Variants in TG observed in about 807,000 individuals in gnomAD.
TG encodes the protein thyroid hormones.
Under a neutral mutation model 324.7 loss-of-function variants are expected in TG, and 270 were observed. The ratio of observed to expected loss-of-function variants is 0.83; its 90% CI spans 0.75 to 0.92. TG has a LOEUF of 0.92. TG is among the 40% of genes least tolerant of loss of function. The probability of loss-of-function intolerance (pLI) is 0.00; values close to 1 mark genes in which losing one functional copy is unlikely to be tolerated. For synonymous variants in TG, 1,401 were observed against 1,327.0 expected (o/e 1.06, Z -1.21); for missense variants, 3,591 against 3,456.4 (o/e 1.04, Z -0.98).
chr8:132,948,888 T>C lies in TG; in HGVS notation c.5346T>C (p.Tyr1782=), dbSNP rs759688629. Residue 1782 remains tyrosine (Y), a synonymous_variant, in exon 27 of 48, where the codon TAT becomes TAC. Transcript: ENST00000220616. ...ATGCTACATGTCCTGGTGTGACATATGACCAGGAGAGCCACCAGGTGATAT... is the reference window on the plus strand; with the variant it reads ...ATGCTACATGTCCTGGTGTGACATACGACCAGGAGAGCCACCAGGTGATAT... ...WANATCPGVT[Y]DQESHQVILR... The C allele has an allele frequency of 1.2e-6, 2 of 1,614,012 alleles. No individual in the cohort carries two copies. The highest frequency in any genetic ancestry group is 1.6e-4 in the Middle Eastern group (1 of 6,062).
intron 22 of TG, among the ~76,000 whole-genome samples, chr8:132,927,246 C>G (rs1822004981): frequency 6.6e-6 from 1 of 152,044 alleles, no homozygotes; most frequent in African/African-American, 2.4e-5. Context: ...ATTCATTTGC[C>G]TATCCCTCCT....
chr8:132,961,118 A>G (rs529078884), intron 28 of TG, 45 bp downstream of exon 28: 18 of 1,592,262 alleles, frequency 1.1e-5, no homozygotes, highest in Non-Finnish European at 1.5e-5. Context: ...CGCTGATTAC[A>G]TGAGATTGTC....
intron 35 of TG, among the ~76,000 whole-genome samples, chr8:132,989,375 C>T (rs1386947824): frequency 2.0e-5 from 3 of 152,244 alleles, no homozygotes; most frequent in South Asian, 2.1e-4. Flanking sequence ...AATACTTCAA[C>T]ATACCATTTG....
intron 35 of TG, chr8:132,994,931 T>C (rs901608758): frequency 6.3e-6 from 7 of 1,112,330 alleles, no homozygotes; most frequent in African/African-American, 1.7e-5. Context: ...ATGTTGAAGA[T>C]TCTCTTGTTG....
intron 10 of TG, among the ~76,000 whole-genome samples, chr8:132,890,404 G>A (rs1352677165): frequency 6.6e-6 from 1 of 152,128 alleles, no homozygotes; most frequent in Non-Finnish European, 1.5e-5. Context: ...AATTGAAAGG[G>A]TTTGATACTC....
At position 132,893,920 on chromosome 8, in the gene TG, G is replaced by A. The variant is rs768382466; in HGVS notation, c.2992G>A (p.Ala998Thr). Residue 998 changes from alanine to threonine, a missense_variant, in exon 11 of 48, where the codon GCT becomes ACT. Ala to Thr is a moderately conservative substitution (Grantham distance 58). Coordinates refer to ENST00000220616, the MANE Select transcript of TG (RefSeq NM_003235.5). ...RGSDYAIRLA[A>T]QSTLSFYQRR... Reference sequence around the variant, plus strand: ...GAGTGATTACGCCATTCGCCTGGCGGCTCAGTCTAGTGAGTGTGGTGCCCT... The same window carrying A: ...GAGTGATTACGCCATTCGCCTGGCGACTCAGTCTAGTGAGTGTGGTGCCCT... The A allele has an allele frequency of 1.9e-6, 3 of 1,614,044 alleles. No individual in the cohort carries two copies. The South Asian group carries it at 3.3e-5, about 18-fold the overall frequency.
chr8:133,113,608 G>A lies in TG; in HGVS notation c.7754+5G>A, dbSNP rs760162420. ...GGCTCTGGAGAATGCCACCCGGTAA[G>A]CTAAGCTGCAGGAGGGTGCAGATTC... is the stretch of plus-strand genomic sequence containing the variant. On this transcript the variant is annotated splice_donor_5th_base_variant and intron_variant, in intron 44 of 47. Transcript: ENST00000220616. 1 of 1,613,674 alleles carries A rather than the reference G, an allele frequency of 6.2e-7. No individual in the cohort carries two copies. The highest frequency in any genetic ancestry group is 8.5e-7 in the Non-Finnish European group (1 of 1,179,752).
intron 41 of TG, among the ~76,000 whole-genome samples, chr8:133,089,247 G>T (rs989334868): frequency 6.6e-6 from 1 of 152,174 alleles, no homozygotes; most frequent in African/African-American, 2.4e-5. Flanking sequence ...GTTCTCTTCT[G>T]TTCCGCATAT....
rs539738915 is a variant in TG at position 132,870,904 on chromosome 8, A to C, written c.275-444A>C. Among the ~76,000 whole-genome samples the C allele has an allele frequency of 2.0e-5, 3 of 152,314 alleles. No individual in the cohort carries two copies. In the South Asian group the frequency reaches 6.2e-4, roughly 32 times the overall value. ...CATAAGGGATCCACTTCCAGGACTC[A>C]AACACCTCCCACATTGGGGATCAGA... On this transcript the variant is annotated intron_variant, in intron 3 of 47. Coordinates refer to ENST00000220616, the MANE Select transcript of TG (RefSeq NM_003235.5).
intron 41 of TG, among the ~76,000 whole-genome samples, chr8:133,066,019 A>T (rs551895840): frequency 2.0e-5 from 3 of 152,272 alleles, no homozygotes; most frequent in Non-Finnish European, 2.9e-5. Flanking sequence ...TCAAAAGGGC[A>T]GGAGTGAATC....
intron 43 of TG, among the ~76,000 whole-genome samples, chr8:133,098,806 G>A (rs1436546621): frequency 1.3e-5 from 2 of 152,152 alleles, no homozygotes; most frequent in Non-Finnish European, 2.9e-5. Context: ...TGTTCAGAGG[G>A]TAGCCCAGGC....
At chr8:133,072,527 A>G (rs1844222986) in intron 41 of TG, among the ~76,000 whole-genome samples, 1 of 152,222 alleles carries the variant, frequency 6.6e-6, no homozygotes, top group Non-Finnish European at 1.5e-5. Context: ...AACAAGAACC[A>G]AATGGTTTGG....
chr8:133,034,517 G>A (rs1192388433), intron 41 of TG, among the ~76,000 whole-genome samples: 1 of 152,150 alleles, frequency 6.6e-6, no homozygotes, highest in Non-Finnish European at 1.5e-5. Context: ...GGTTTCTTTG[G>A]ATTTTCTATG....
chr8:132,988,178 A>G (rs1462818553), intron 35 of TG, among the ~76,000 whole-genome samples: 2 of 152,022 alleles, frequency 1.3e-5, no homozygotes, highest in Non-Finnish European at 2.9e-5. Context: ...AACTGTTCCT[A>G]GGCTGCAGTG....
At chr8:133,103,875 G>A (rs73354671) in intron 43 of TG, among the ~76,000 whole-genome samples, 5,427 of 152,268 alleles carry the variant, frequency 0.036, 315 homozygotes, top group African/African-American at 0.12. Context: ...CTTCTGACTC[G>A]GAGAGTTCAT....
At chr8:133,004,716 G>A (rs1412479764) in intron 35 of TG, among the ~76,000 whole-genome samples, 1 of 152,170 alleles carries the variant, frequency 6.6e-6, no homozygotes, top group African/African-American at 2.4e-5. Flanking sequence ...CAGCTGGAGT[G>A]ACTGACCCTG....
Position 132,994,846 on chromosome 8 carries a change from T to C in TG, c.6262+11434T>C, listed in dbSNP as rs1360255440. On this transcript the variant is annotated intron_variant, in intron 35 of 47. Transcript: ENST00000220616. The stretch of plus-strand genomic sequence containing the variant: ...GGAGAGAAGGGGCTGGGTCAGATGA[T>C]GGAAAGCATTGGTTATCTTGCTGTG... 4.7e-6 allele frequency: 6 copies of C among 1,268,356 alleles called. No homozygotes were observed. In the East Asian group the frequency reaches 2.9e-4, roughly 60 times the overall value. The allele number at this position is 1,268,356 out of a possible 1,614,324, so 78.6% of individuals were successfully genotyped here.
intron 18 of TG, among the ~76,000 whole-genome samples, chr8:132,909,497 G>A (rs1362989777): frequency 6.6e-6 from 1 of 152,352 alleles, no homozygotes; most frequent in South Asian, 2.1e-4. Flanking sequence ...AGGAAGCTGG[G>A]CAGGGACCTA....
At chr8:133,019,773 C>T (rs1243696981) in intron 39 of TG, 78 bp downstream of exon 39, 3 of 1,259,058 alleles carry the variant, frequency 2.4e-6, no homozygotes, top group Non-Finnish European at 3.4e-6. Flanking sequence ...GTGGCCAGCA[C>T]AGTTCAGTCT....
Sources: gnomAD v4.1 joint callset for allele counts (sites outside exome capture counted in the v4.1 genomes callset) on GRCh38, gnomAD v4.1.1 for gene constraint, MANE v1.5 for transcripts, NCBI Gene and HGNC (gene_info 2026-07-23, HGNC 2026-07-21) for gene names.